CHCHD6: variants seen among roughly 807,000 people sequenced by gnomAD.
CHCHD6 encodes MICOS complex subunit MIC25.
CHCHD6 carries 28 observed loss-of-function variants against 32.3 expected under a neutral mutation model. That is an observed-to-expected ratio of 0.87 (90% CI 0.64 to 1.19). CHCHD6 has a LOEUF of 1.19. CHCHD6 is among the 50% of genes most tolerant of loss of function. The pLI is 0.00. For synonymous variants in CHCHD6, 122 were observed against 117.5 expected, an observed-to-expected ratio of 1.04 and a Z score of -0.25; for missense variants, 333 against 307.0, an observed-to-expected ratio of 1.08 and a Z score of -0.63.
At chr3:126,730,061 A>G (rs939880579) in intron 2 of CHCHD6, among the ~76,000 whole-genome samples, 1 of 152,232 alleles carries the variant, frequency 6.6e-6, no homozygotes, top group Non-Finnish European at 1.5e-5. Flanking sequence ...GTGGTTAAGT[A>G]GAATTAGGTT....
chr3:126,882,405 G>A (rs1269993922), intron 5 of CHCHD6, among the ~76,000 whole-genome samples: 1 of 152,200 alleles, frequency 6.6e-6, no homozygotes, highest in African/African-American at 2.4e-5. Flanking sequence ...GAAGATTCTG[G>A]TTGTGCTACT....
At chr3:126,819,014 G>T (rs1049182702) in intron 4 of CHCHD6, among the ~76,000 whole-genome samples, 1 of 152,206 alleles carries the variant, frequency 6.6e-6, no homozygotes, top group Admixed American at 6.5e-5. Context: ...AGCAGCCCCT[G>T]TTGTATCTTA....
chr3:126,838,890 T>TC (rs1280907406), intron 4 of CHCHD6, among the ~76,000 whole-genome samples: 1 of 150,876 alleles, frequency 6.6e-6, no homozygotes, highest in African/African-American at 2.4e-5. Flanking sequence ...CCTTCTTTTT[T>TC]CCTTTTTTTT....
chr3:126,785,391 C>T (rs192899874), intron 4 of CHCHD6, among the ~76,000 whole-genome samples: 1 of 152,266 alleles, frequency 6.6e-6, no homozygotes, highest in East Asian at 1.9e-4. Flanking sequence ...AACAGATTAC[C>T]AGTTAGTGGC....
intron 1 of CHCHD6, among the ~76,000 whole-genome samples, chr3:126,725,225 C>T (rs1221090210): frequency 6.6e-6 from 1 of 152,188 alleles, no homozygotes; most frequent in Non-Finnish European, 1.5e-5. Context: ...AAAATTACTC[C>T]TTGATCCATG....
At chr3:126,891,347 A>C (rs2077757314) in intron 5 of CHCHD6, among the ~76,000 whole-genome samples, 1 of 152,174 alleles carries the variant, frequency 6.6e-6, no homozygotes. Context: ...AGCAGAAGGC[A>C]GAGCTGACAG....
At chr3:126,764,601 G>A (rs572420342) in intron 4 of CHCHD6, among the ~76,000 whole-genome samples, 4 of 152,308 alleles carry the variant, frequency 2.6e-5, no homozygotes, top group East Asian at 3.9e-4. Flanking sequence ...TGAGGCTGCC[G>A]GAAGATCTAA....
At chr3:126,850,854 C>G (rs1434410964) in intron 4 of CHCHD6, among the ~76,000 whole-genome samples, 1 of 152,186 alleles carries the variant, frequency 6.6e-6, no homozygotes, top group Non-Finnish European at 1.5e-5. Context: ...TCCTGGGACA[C>G]AGCTTCAGCA....
intron 1 of CHCHD6, among the ~76,000 whole-genome samples, chr3:126,715,334 C>CAGGGA (rs1934957336): frequency 6.6e-6 from 1 of 152,210 alleles, no homozygotes; most frequent in Non-Finnish European, 1.5e-5. Flanking sequence ...GATCGCTGCA[C>CAGGGA]AGGGACTGCC....
intron 5 of CHCHD6, among the ~76,000 whole-genome samples, chr3:126,882,335 G>T (rs527414007): frequency 1.6e-4 from 25 of 152,120 alleles, no homozygotes; most frequent in Non-Finnish European, 3.4e-4. Context: ...TACCTTGGCC[G>T]CTGTGTCAGG....
At position 126,945,397 on chromosome 3, in the gene CHCHD6, G is replaced by C. The variant is rs1317805829; in HGVS notation, c.567-12019G>C. Among the ~76,000 whole-genome samples, 3 of 151,964 alleles carry C rather than the reference G, an allele frequency of 2.0e-5. 1 individual carries two copies. In the East Asian group the frequency reaches 5.8e-4, roughly 30 times the overall value. On this transcript the variant is annotated intron_variant, in intron 6 of 7. Coordinates refer to ENST00000290913, the MANE Select transcript of CHCHD6 (RefSeq NM_032343.3). ...TCTAGTTGATGTCAGCAAGGAGCCAGGCTGGAGGAGCAGACTCGAGCAGGG... is the reference window on the plus strand; with the variant it reads ...TCTAGTTGATGTCAGCAAGGAGCCACGCTGGAGGAGCAGACTCGAGCAGGG...
chr3:126,804,733 A>G (rs1939270512), intron 4 of CHCHD6, among the ~76,000 whole-genome samples: 1 of 149,182 alleles, frequency 6.7e-6, no homozygotes, highest in Non-Finnish European at 1.5e-5. Flanking sequence ...AAAGCCTGGC[A>G]GAGACACAAC....
Position 126,865,062 on chromosome 3 carries a change from TCC to T in CHCHD6, c.495+12333_495+12334del, listed in dbSNP as rs1491151844. Among the ~76,000 whole-genome samples, 838 of 143,130 alleles carry T rather than the reference TCC, an allele frequency of 5.9e-3. 14 individuals are homozygous for T. Among genetic ancestry groups the T allele is most frequent in the African/African-American group, 0.021 (787 of 36,832 alleles). 93.9% of individuals were successfully genotyped at this position (143,130 alleles called of 152,430 possible). On this transcript the variant is annotated intron_variant, in intron 5 of 7. Transcript: ENST00000290913. ...CTACTTCATCACTACCTCCTCCTCC[TCC>T]TTTTCCACCACCTCCACTTCTTCCT... is the stretch of plus-strand genomic sequence containing the variant.
At chr3:126,831,630 C>T (rs148849062) in intron 4 of CHCHD6, among the ~76,000 whole-genome samples, 5 of 152,112 alleles carry the variant, frequency 3.3e-5, no homozygotes, top group East Asian at 1.9e-4. Flanking sequence ...GGAAAATGTG[C>T]GTGTTTACGG....
rs570805491 is a variant in CHCHD6 at position 126,729,385 on chromosome 3, G to A, written c.197-1176G>A. Among the ~76,000 whole-genome samples the A allele has an allele frequency of 2.6e-5, 4 of 152,308 alleles. No homozygotes were observed. In the East Asian group the frequency reaches 7.7e-4, roughly 29 times the overall value. ...CAACAATGTGCACTCCAAGGGAGCG[G>A]GGAGCGGGCAGGGGCACACAGAAAG... On this transcript the variant is annotated intron_variant, in intron 2 of 7. Coordinates refer to ENST00000290913, the MANE Select transcript of CHCHD6 (RefSeq NM_032343.3).
At chr3:126,728,599 T>G (rs1935647086) in intron 2 of CHCHD6, among the ~76,000 whole-genome samples, 1 of 152,228 alleles carries the variant, frequency 6.6e-6, no homozygotes, top group Non-Finnish European at 1.5e-5. Context: ...TGGCTCTAAC[T>G]AACTGATGAG....
At chr3:126,736,451 A>G (rs1193178804) in intron 4 of CHCHD6, among the ~76,000 whole-genome samples, 2 of 152,160 alleles carry the variant, frequency 1.3e-5, no homozygotes. Flanking sequence ...AGCCTCATCT[A>G]GAGGATTTCC....
intron 4 of CHCHD6, among the ~76,000 whole-genome samples, chr3:126,827,361 C>A (rs1940439821): frequency 6.6e-6 from 1 of 152,132 alleles, no homozygotes; most frequent in African/African-American, 2.4e-5. Context: ...ATCTGGGAGA[C>A]AGTTGATGTG....
intron 5 of CHCHD6, among the ~76,000 whole-genome samples, chr3:126,857,886 C>G (rs753764978): frequency 6.6e-6 from 1 of 152,190 alleles, no homozygotes; most frequent in African/African-American, 2.4e-5. Flanking sequence ...TGTGGAAGAT[C>G]GATAGCCAGC....
Sources: allele counts gnomAD v4.1 joint callset (sites outside exome capture counted in the v4.1 genomes callset), GRCh38; gene constraint gnomAD v4.1.1; transcripts MANE v1.5; gene names NCBI Gene and HGNC (gene_info 2026-07-23, HGNC 2026-07-21).